ZNF664: variants seen among roughly 807,000 people sequenced by gnomAD.
ZNF664 encodes the protein zinc finger protein 664.
In ZNF664, 10 loss-of-function variants were observed where a neutral mutation model predicts 18.2. The ratio of observed to expected loss-of-function variants is 0.55; its 90% CI spans 0.34 to 0.93. ZNF664 has a LOEUF of 0.93. Among genes scored for constraint, ZNF664 ranks in the 40% least tolerant of loss-of-function variants. The pLI is 0.02. For missense variants in ZNF664, 193 were observed against 319.0 expected (o/e 0.61, Z 3.01); for synonymous variants, 119 against 104.2 (o/e 1.14, Z -0.86).
At chr12:123,983,173 A>G (rs1956786345) in intron 2 of ZNF664, among the ~76,000 whole-genome samples, 1 of 152,178 alleles carries the variant, frequency 6.6e-6, no homozygotes, top group Non-Finnish European at 1.5e-5. Context: ...AAAGCAAGCA[A>G]GTTGTGCTAC....
intron 3 of ZNF664, among the ~76,000 whole-genome samples, chr12:123,989,985 C>G (rs1373785609): frequency 5.3e-5 from 8 of 152,318 alleles, no homozygotes; most frequent in Non-Finnish European, 8.8e-5. Flanking sequence ...TCAAAAATCT[C>G]TCTCCCTTGC....
rs188621533 is a variant in ZNF664 at position 123,982,237 on chromosome 12, T to C, written c.-756-5806T>C. On this transcript the variant is annotated intron_variant, in intron 2 of 4. Coordinates refer to ENST00000337815, the MANE Select transcript of ZNF664 (RefSeq NM_152437.3). ...ATAGTATGGCTGGAGCATGGGTACC[T>C]TGAAGGACAAGTGGAGAAAAGGTAG... Among the ~76,000 whole-genome samples, 18 of 152,296 alleles carry C rather than the reference T, an allele frequency of 1.2e-4. 2 individuals carry two copies. In the East Asian group the frequency reaches 2.9e-3, roughly 24 times the overall value.
In ZNF664 at chr12:124,015,167, A is replaced by G. The variant is rs1264217190; in HGVS notation, c.*2237A>G. The G allele has an allele frequency of 6.0e-6, 1 of 167,072 alleles. No individual in the cohort carries two copies. Among genetic ancestry groups the G allele is most frequent in the African/African-American group, 2.4e-5 (1 of 41,454 alleles). 10.3% of individuals were successfully genotyped at this position (167,072 alleles called of 1,614,324 possible). A position where few individuals can be genotyped will look rare whatever the true frequency, so the allele number is the denominator to read the frequency against. The stretch of plus-strand genomic sequence containing the variant: ...CTATTAGGTATGTGAGCTTGGGCAA[A>G]TCGCTTAATCTTTGAGTCTAGTTTT... On this transcript the variant is annotated 3_prime_UTR_variant, in exon 5 of 5. Transcript: ENST00000337815.
intron 3 of ZNF664, among the ~76,000 whole-genome samples, chr12:123,995,256 C>T (rs941169696): frequency 2.6e-5 from 4 of 152,206 alleles, no homozygotes; most frequent in African/African-American, 9.7e-5. Context: ...AAATAGTTTA[C>T]AGACAAAGAA....
chr12:124,012,872 G>A lies in ZNF664; in HGVS notation c.728G>A (p.Cys243Tyr). Residue 243 changes from cysteine (C) to tyrosine (Y), a missense_variant, in exon 5 of 5, where the codon TGC becomes TAC. Physicochemically the swap from Cys to Tyr is radical, Grantham distance 194 (BLOSUM62 -2). Around this residue, in one of 3 missense-constraint regions of ZNF664, gnomAD observed 42 missense variants for 46.4 expected, o/e 0.91. Coordinates refer to ENST00000337815, the MANE Select transcript of ZNF664 (RefSeq NM_152437.3). ...GCCTTCAGTCAGAGTACGAGCCTCT[G>A]CATCCACCAGAGAGTCCACACAAAG... Reference protein sequence around the residue: ...GKAFSQSTSLCIHQRVHTKER... With the variant: ...GKAFSQSTSLYIHQRVHTKER... 1 of 1,614,166 alleles carries A rather than the reference G, an allele frequency of 6.2e-7. No individual in the cohort carries two copies. The highest frequency in any genetic ancestry group is 1.1e-5 in the South Asian group (1 of 91,082).
chr12:123,973,780 C>T, intron 1 of ZNF664, 106 bp from the exon 2 acceptor site: 2 of 1,228,364 alleles, frequency 1.6e-6, no homozygotes, highest in Non-Finnish European at 2.0e-6. Context: ...CGTCTTGGAG[C>T]CCTTCCAGGC....
At chr12:123,989,781 A>G (rs1300131401) in intron 3 of ZNF664, among the ~76,000 whole-genome samples, 1 of 152,240 alleles carries the variant, frequency 6.6e-6, no homozygotes, top group Non-Finnish European at 1.5e-5. Flanking sequence ...TACAAGATCA[A>G]AAGCCTGAAG....
At chr12:124,006,468 G>A (rs546828641) in intron 3 of ZNF664, among the ~76,000 whole-genome samples, 1 of 152,212 alleles carries the variant, frequency 6.6e-6, no homozygotes, top group Non-Finnish European at 1.5e-5. Flanking sequence ...CCCAGAGCAC[G>A]TGTTCTCTCA....
rs1020303143 is a variant in ZNF664 at position 123,989,852 on chromosome 12, A to G, written c.-661+1714A>G. On this transcript the variant is annotated intron_variant, in intron 3 of 4. Coordinates refer to ENST00000337815, the MANE Select transcript of ZNF664 (RefSeq NM_152437.3). ...TGGCCCTCTCTGAGAGTATAGTGGC[A>G]ATAAATTTCTGTCCATCCATGCAGA... Among the ~76,000 whole-genome samples, 10 of 149,006 alleles carry G rather than the reference A, an allele frequency of 6.7e-5. 1 individual carries two copies. Among genetic ancestry groups the G allele is most frequent in the African/African-American group, 2.2e-4 (9 of 40,392 alleles).
At chr12:124,008,880 G>A (rs1957103526) in intron 3 of ZNF664, among the ~76,000 whole-genome samples, 1 of 151,954 alleles carries the variant, frequency 6.6e-6, no homozygotes, top group Non-Finnish European at 1.5e-5. Flanking sequence ...GTGCTACTCT[G>A]GCTTTGAACC....
chr12:124,009,247 T>C (rs1957107791), intron 3 of ZNF664, among the ~76,000 whole-genome samples: 1 of 152,208 alleles, frequency 6.6e-6, no homozygotes. Flanking sequence ...AAGAATATGT[T>C]CTAGGTATGT....
At chr12:123,977,355 CAA>C (rs1221475935) in intron 2 of ZNF664, among the ~76,000 whole-genome samples, 3 of 139,546 alleles carry the variant, frequency 2.1e-5, no homozygotes, top group African/African-American at 8.0e-5. Context: ...AAAACAATAA[CAA>C]AAATTATTAG....
At chr12:123,991,765 G>A (rs1334939002) in intron 3 of ZNF664, among the ~76,000 whole-genome samples, 1 of 152,178 alleles carries the variant, frequency 6.6e-6, no homozygotes, top group Non-Finnish European at 1.5e-5. Context: ...TTGGCTGAAG[G>A]AAAGCTACAG....
intron 3 of ZNF664, among the ~76,000 whole-genome samples, chr12:123,995,158 G>A (rs1408790591): frequency 1.3e-5 from 2 of 152,204 alleles, no homozygotes; most frequent in Non-Finnish European, 2.9e-5. Context: ...GCATAGAGCC[G>A]TGGCCCATTG....
chr12:123,998,026 G>T (rs1311657468), intron 3 of ZNF664, among the ~76,000 whole-genome samples: 1 of 152,178 alleles, frequency 6.6e-6, no homozygotes, highest in Non-Finnish European at 1.5e-5. Flanking sequence ...TGGAGCCAAA[G>T]AGTGTTCCCT....
At chr12:123,975,553 T>C (rs190488382) in intron 2 of ZNF664, among the ~76,000 whole-genome samples, 1 of 152,120 alleles carries the variant, frequency 6.6e-6, no homozygotes, top group African/African-American at 2.4e-5. Flanking sequence ...GCCTCCCCAG[T>C]AGTTAGGAAT....
chr12:124,008,057 A>G (rs1197363960), intron 3 of ZNF664, among the ~76,000 whole-genome samples: 4 of 152,180 alleles, frequency 2.6e-5, no homozygotes, highest in African/African-American at 9.7e-5. Context: ...TCAGATTGCA[A>G]AGAAGTTCCT....
At chr12:124,010,921 C>T (rs1036919374) in intron 3 of ZNF664, among the ~76,000 whole-genome samples, 2 of 152,148 alleles carry the variant, frequency 1.3e-5, no homozygotes, top group African/African-American at 2.4e-5. Flanking sequence ...AGGCAGGAAA[C>T]GCTTAGGGTG....
chr12:124,010,371 G>A (rs766764933), intron 3 of ZNF664, among the ~76,000 whole-genome samples: 3 of 152,116 alleles, frequency 2.0e-5, no homozygotes, highest in Non-Finnish European at 2.9e-5. Flanking sequence ...GTATCATAGC[G>A]TATAGAGTAA....
Sources: gnomAD v4.1 joint callset for allele counts (sites outside exome capture counted in the v4.1 genomes callset) on GRCh38, gnomAD v4.1.1 for gene constraint, gnomAD v4.1.1 regional missense constraint, MANE v1.5 for transcripts, NCBI Gene and HGNC (gene_info 2026-07-23, HGNC 2026-07-21) for gene names.